The following SVIL variants were observed in gnomAD, a reference collection of about 807,000 sequenced individuals.
SVIL encodes archvillin.
Under a neutral mutation model 240.4 loss-of-function variants are expected in SVIL, and 101 were observed. The ratio of observed to expected loss-of-function variants is 0.42; its 90% CI spans 0.36 to 0.50. SVIL has a LOEUF of 0.50. Among genes scored for constraint, SVIL ranks in the 20% least tolerant of loss-of-function variants. The probability of loss-of-function intolerance (pLI) is 0.01; values close to 1 mark genes in which losing one functional copy is unlikely to be tolerated. For synonymous variants in SVIL, 999 were observed against 1,100.0 expected (o/e 0.91, Z 1.82); for missense variants, 2,512 against 2,818.7 (o/e 0.89, Z 2.46).
In SVIL at chr10:29,555,340, ACACATG is replaced by A. The variant is rs765404877; in HGVS notation, c.-50-238_-50-233del. 0.048 allele frequency among the ~76,000 whole-genome samples: 4,953 copies of A among 102,998 alleles called. 234 individuals carry two copies. The highest frequency in any genetic ancestry group is 0.12 in the African/African-American group (4,293 of 34,762). The allele number at this position is 102,998 out of a possible 152,430, so 67.6% of individuals were successfully genotyped here. Reference sequence around the variant, plus strand: ...CACACACACACACACACACACACACACACATGGACACACCCTAGGACGCATCATCCT... The same window carrying A: ...CACACACACACACACACACACACACAGACACACCCTAGGACGCATCATCCT... On this transcript the variant is annotated intron_variant, in intron 3 of 37. Coordinates refer to ENST00000355867, the MANE Select transcript of SVIL (RefSeq NM_021738.3).
intron 1 of SVIL, among the ~76,000 whole-genome samples, chr10:29,618,617 A>G (rs2132902003): frequency 6.6e-6 from 1 of 152,340 alleles, no homozygotes; most frequent in Admixed American, 6.5e-5. Context: ...CAAGGATACA[A>G]GCAGTCCCCA....
chr10:29,622,495 T>C (rs1049819281), intron 1 of SVIL, among the ~76,000 whole-genome samples: 1 of 152,062 alleles, frequency 6.6e-6, no homozygotes, highest in African/African-American at 2.4e-5. Context: ...TCCAAAATCA[T>C]TGGAAGGAAT....
At chr10:29,579,735 A>G (rs113064419) in intron 1 of SVIL, among the ~76,000 whole-genome samples, 1 of 152,102 alleles carries the variant, frequency 6.6e-6, no homozygotes, top group African/African-American at 2.4e-5. Context: ...CTGTCCTTTG[A>G]GGCAACTCTC....
chr10:29,554,694 C>G, intron 5 of SVIL, 89 bp downstream of exon 5: 3 of 1,405,992 alleles, frequency 2.1e-6, no homozygotes, highest in Non-Finnish European at 2.8e-6. Context: ...TGTGGAATAT[C>G]TCATGTTCTG....
chr10:29,661,837 CT>C (rs928080934), intron 2 of SVIL, among the ~76,000 whole-genome samples: 13 of 151,520 alleles, frequency 8.6e-5, no homozygotes, highest in African/African-American at 2.9e-4. Flanking sequence ...AACTTTCTTT[CT>C]TTTTTTTTGA....
At chr10:29,461,563 A>C (rs949328334) in intron 36 of SVIL, among the ~76,000 whole-genome samples, 1 of 152,210 alleles carries the variant, frequency 6.6e-6, no homozygotes, top group African/African-American at 2.4e-5. Flanking sequence ...TCAAAATGGT[A>C]AAAAACCTAT....
chr10:29,605,317 G>T (rs180733979), intron 1 of SVIL, among the ~76,000 whole-genome samples: 1 of 152,256 alleles, frequency 6.6e-6, no homozygotes, highest in Admixed American at 6.5e-5. Flanking sequence ...AAAGAACTCT[G>T]ACAAAAACTG....
chr10:29,501,459 T>G (rs1589007903), intron 17 of SVIL, among the ~76,000 whole-genome samples: 18 of 115,646 alleles, frequency 1.6e-4, no homozygotes, highest in African/African-American at 2.3e-4. Flanking sequence ...GGGTGAGGAG[T>G]GGAGGGAGGA....
chr10:29,488,719 C>T lies in SVIL; in HGVS notation c.4230G>A (p.Ala1410=), dbSNP rs765838205. ...SNSNFSEVTL[A]GLASKENFSN... ...TGAAGTTTTCTTTACTGGCTAAACC[C>T]GCCAGGGTGACTTCTGAGAAGTTGG... The change falls in exon 23 of 38, where the codon GCG becomes GCA. Residue 1410 remains alanine (A), a synonymous_variant. Transcript: ENST00000355867. 24 of 1,612,676 alleles carry T rather than the reference C, an allele frequency of 1.5e-5. No homozygotes were observed. The highest frequency in any genetic ancestry group is 1.7e-5 in the Non-Finnish European group (20 of 1,179,582).
intron 3 of SVIL, among the ~76,000 whole-genome samples, chr10:29,651,071 CA>C (rs1400364370): frequency 6.6e-6 from 1 of 152,130 alleles, no homozygotes; most frequent in Non-Finnish European, 1.5e-5. Flanking sequence ...TAAACAAAAT[CA>C]AAACCATCAG....
chr10:29,689,308 A>T (rs369717846), intron 1 of SVIL, among the ~76,000 whole-genome samples: 1 of 151,946 alleles, frequency 6.6e-6, no homozygotes, highest in East Asian at 1.9e-4. Context: ...TTTTTGAGAC[A>T]GAGTCTCGCA....
chr10:29,620,404 C>T (rs989601571), intron 1 of SVIL, among the ~76,000 whole-genome samples: 6 of 152,138 alleles, frequency 3.9e-5, no homozygotes, highest in African/African-American at 1.4e-4. Flanking sequence ...GGAGAGGACT[C>T]CCCTTATAGT....
chr10:29,485,594 ATTAAAC>A (rs1465631244), intron 26 of SVIL, among the ~76,000 whole-genome samples: 1 of 152,128 alleles, frequency 6.6e-6, no homozygotes, highest in Non-Finnish European at 1.5e-5. Flanking sequence ...CTTCCACCCA[ATTAAAC>A]TTAAGGGCCT....
At chr10:29,473,761 A>G in intron 30 of SVIL, 77 bp downstream of exon 30, 2 of 1,589,786 alleles carry the variant, frequency 1.3e-6, no homozygotes, top group South Asian at 2.2e-5. Context: ...GTTGGGAGGG[A>G]CCAGGCCGAG....
At position 29,705,124 on chromosome 10, in the gene SVIL, T is replaced by C. The variant is rs926694300; in HGVS notation, c.-399-18473A>G. On this transcript the variant is annotated intron_variant, in intron 1 of 35. Coordinates refer to the SVIL transcript ENST00000375400. The stretch of plus-strand genomic sequence containing the variant: ...AGTAGCATTGGAAGTTCTTTATCCC[T>C]GGATATTGGAAATTAAAGGAAAAAT... Among the ~76,000 whole-genome samples the C allele has an allele frequency of 2.6e-5, 4 of 152,174 alleles. No individual in the cohort carries two copies. In the East Asian group the frequency reaches 7.7e-4, roughly 29 times the overall value.
chr10:29,479,761 A>T (rs1415047094), intron 29 of SVIL, among the ~76,000 whole-genome samples: 1 of 152,200 alleles, frequency 6.6e-6, no homozygotes, highest in Non-Finnish European at 1.5e-5. Flanking sequence ...GGGCAGGTGC[A>T]CCTGCACAGC....
In SVIL at chr10:29,530,671, GC is replaced by G. The variant is rs764700553; in HGVS notation, c.2045-4del. Reference sequence around the variant, plus strand: ...TCGTTCATCCACCTTTTCTTCATCTGCAAAAAGCCACAAATTAAAAACTGGA... The same window carrying G: ...TCGTTCATCCACCTTTTCTTCATCTGAAAAAGCCACAAATTAAAAACTGGA... On this transcript the variant is annotated splice_polypyrimidine_tract_variant and splice_region_variant and intron_variant, in intron 10 of 37. Coordinates refer to ENST00000355867, the MANE Select transcript of SVIL (RefSeq NM_021738.3). The G allele has an allele frequency of 5.6e-6, 9 of 1,613,968 alleles. No individual in the cohort carries two copies. The Admixed American group carries it at 1.5e-4, about 27-fold the overall frequency.
chr10:29,710,964 C>A (rs555373744), intron 1 of SVIL, among the ~76,000 whole-genome samples: 5 of 152,214 alleles, frequency 3.3e-5, no homozygotes, highest in African/African-American at 1.2e-4. Context: ...GAGTGGAATC[C>A]GCAAAGAATG....
At position 29,735,349 on chromosome 10, in the gene SVIL, T is replaced by G. The variant is rs78473672; in HGVS notation, c.-400+402A>C. The stretch of plus-strand genomic sequence containing the variant: ...GTAGTTCTGATCACTGGCGCGCCAC[T>G]CCCCGGGCCACCCGCCTCCCCGCCA... On this transcript the variant is annotated intron_variant, in intron 1 of 35. Coordinates refer to the SVIL transcript ENST00000375400. This position sits in a 1 kb window ranked among gnomAD's most constrained non-coding sequence, Gnocchi z 4.1. Among the ~76,000 whole-genome samples, 2 of 149,874 alleles carry G rather than the reference T, an allele frequency of 1.3e-5. No homozygotes were observed. The highest frequency in any genetic ancestry group is 3.0e-5 in the Non-Finnish European group (2 of 67,350).
Sources: gnomAD v4.1 joint callset for allele counts (sites outside exome capture counted in the v4.1 genomes callset) on GRCh38, gnomAD v4.1.1 for gene constraint, Gnocchi (gnomAD v3.1) non-coding constraint, MANE v1.5 for transcripts, NCBI Gene and HGNC (gene_info 2026-07-23, HGNC 2026-07-21) for gene names.